Variants in TMCO4 observed in about 807,000 individuals in gnomAD.
The protein encoded by TMCO4 is transmembrane and coiled-coil domain-containing protein 4.
A neutral mutation model predicts 64.7 loss-of-function variants in TMCO4; 58 were observed. The ratio of observed to expected loss-of-function variants is 0.90; its 90% CI spans 0.73 to 1.12. The LOEUF is 1.12. TMCO4 is among the 50% of genes most tolerant of loss of function. The probability of loss-of-function intolerance (pLI) is 0.00; values close to 1 mark genes in which losing one functional copy is unlikely to be tolerated. For synonymous variants in TMCO4, 325 were observed against 346.1 expected, an observed-to-expected ratio of 0.94 and a Z score of 0.68; for missense variants, 780 against 825.9, an observed-to-expected ratio of 0.94 and a Z score of 0.68.
intron 1 of TMCO4, 23 bp downstream of exon 1, chr1:19,799,832 C>A (rs566604690): frequency 6.6e-6 from 1 of 151,964 alleles, no homozygotes; most frequent in South Asian, 2.1e-4. Flanking sequence ...CGTGGCCTGG[C>A]GGCTCCTCCG....
intron 15 of TMCO4, among the ~76,000 whole-genome samples, chr1:19,684,843 C>T (rs374176361): frequency 2.1e-4 from 32 of 152,268 alleles, no homozygotes; most frequent in Admixed American, 7.9e-4. Flanking sequence ...GTCCTCTTTC[C>T]TGCTGGCTGG....
rs757654237 is a variant in TMCO4, at chr1:19,780,664, C to T, written c.95G>A (p.Arg32Gln). The T allele has an allele frequency of 2.3e-5, 37 of 1,613,750 alleles. No individual in the cohort carries two copies. The East Asian group carries it at 5.3e-4, about 23-fold the overall frequency. Residue 32 changes from arginine (R) to glutamine (Q), a missense_variant, in exon 4 of 16, where the codon CGG (arginine) becomes CAG (glutamine). By Grantham distance (43) the Arg-to-Gln change is conservative (BLOSUM62 1). Coordinates refer to ENST00000294543, the MANE Select transcript of TMCO4 (RefSeq NM_181719.7). ...AEGEPHLPTG[R>Q]ELTEANRFAY... is the part of the protein sequence containing the mutation. ...GAAGCGGTTGGCCTCAGTCAGCTCC[C>T]GGCCCGTGGGCAGGTGTGGCTCCCC...
At chr1:19,751,596 ACT>A (rs931597132) in intron 7 of TMCO4, among the ~76,000 whole-genome samples, 3 of 151,790 alleles carry the variant, frequency 2.0e-5, no homozygotes, top group Non-Finnish European at 4.4e-5. Flanking sequence ...ACAGAGTAAG[ACT>A]CTGTCTCCCC....
At chr1:19,704,537 G>A (rs2095292396) in intron 13 of TMCO4, among the ~76,000 whole-genome samples, 1 of 152,206 alleles carries the variant, frequency 6.6e-6, no homozygotes, top group Admixed American at 6.5e-5. Flanking sequence ...GTGATCATAT[G>A]CGGGTTATCG....
chr1:19,745,847 C>T (rs1216839705), intron 9 of TMCO4, among the ~76,000 whole-genome samples, 196 bp from the exon 10 acceptor site: 1 of 152,208 alleles, frequency 6.6e-6, no homozygotes, highest in African/African-American at 2.4e-5. Flanking sequence ...CAAGAAGCTG[C>T]TTCTGAGGCT....
At chr1:19,704,648 G>C (rs1263923399) in intron 13 of TMCO4, among the ~76,000 whole-genome samples, 1 of 152,258 alleles carries the variant, frequency 6.6e-6, no homozygotes, top group Non-Finnish European at 1.5e-5. Flanking sequence ...CTGCCTGGCA[G>C]AGTCTGCCCT....
chr1:19,778,464 G>A (rs1261515945), intron 4 of TMCO4, among the ~76,000 whole-genome samples: 1 of 151,990 alleles, frequency 6.6e-6, no homozygotes, highest in Non-Finnish European at 1.5e-5. Context: ...AGTAGAGATG[G>A]GGTTTCACCA....
chr1:19,765,460 G>A (rs2042692438), intron 6 of TMCO4, among the ~76,000 whole-genome samples: 1 of 81,760 alleles, frequency 1.2e-5, no homozygotes, highest in African/African-American at 6.7e-5. Context: ...GAGGACATTG[G>A]AGCCATTTCT....
In TMCO4 at chr1:19,798,132, C is replaced by T. The variant is rs1330418643; in HGVS notation, c.-101+5G>A. 1 of 155,628 alleles carries T rather than the reference C, an allele frequency of 6.4e-6. No homozygotes were observed. The highest frequency in any genetic ancestry group is 1.4e-5 in the Non-Finnish European group (1 of 70,598). 9.6% of individuals were successfully genotyped at this position (155,628 alleles called of 1,614,324 possible). ...AATGGAAAGTGGATTGGATTTCACT[C>T]TCACCCCTTCTGCCTGCTGTCACAC... On this transcript the variant is annotated splice_donor_5th_base_variant and intron_variant, in intron 2 of 15. Transcript: ENST00000294543.
chr1:19,692,659 A>C (rs563296524), intron 15 of TMCO4, among the ~76,000 whole-genome samples: 41 of 151,882 alleles, frequency 2.7e-4, no homozygotes, highest in Admixed American at 9.2e-4. Context: ...AGGCAGGAGA[A>C]TCGCTTGAAC....
intron 9 of TMCO4, 110 bp from the exon 10 acceptor site, chr1:19,745,761 T>A: frequency 7.3e-7 from 1 of 1,377,234 alleles, no homozygotes; most frequent in Non-Finnish European, 9.7e-7. Context: ...CTGTGTGCCC[T>A]GCCCCTGGAA....
In TMCO4 at chr1:19,694,422, G is replaced by A. The variant is rs762574199; in HGVS notation, c.1500+12C>T. 11 of 1,611,304 alleles carry A rather than the reference G, an allele frequency of 6.8e-6. No individual in the cohort carries two copies. The highest frequency in any genetic ancestry group is 9.3e-6 in the Non-Finnish European group (11 of 1,177,898). On this transcript the variant is annotated intron_variant, in intron 15 of 15. Transcript: ENST00000294543. ...AAACGCAAAGCCCCAGGAGGAACAG[G>A]CCGACACTCACCACAGAGGTCAGGT...
chr1:19,797,966 AAGAAAAG>A (rs1227226519), intron 2 of TMCO4, 164 bp downstream of exon 2: 2 of 56,804 alleles, frequency 3.5e-5, no homozygotes, highest in Non-Finnish European at 6.9e-5. Flanking sequence ...GAGAAAAGAA[AAGAAAAG>A]AAAAGAAAAG....
intron 13 of TMCO4, among the ~76,000 whole-genome samples, chr1:19,707,581 C>T (rs1250954201): frequency 6.6e-6 from 1 of 152,210 alleles, no homozygotes; most frequent in Admixed American, 6.5e-5. Flanking sequence ...AGAGATCGCA[C>T]CACTGTACTC....
chr1:19,783,123 A>G (rs1281607988), intron 3 of TMCO4, among the ~76,000 whole-genome samples: 1 of 152,254 alleles, frequency 6.6e-6, no homozygotes, highest in Non-Finnish European at 1.5e-5. Flanking sequence ...GTTTAATAAT[A>G]ACAAGACCTA....
At chr1:19,709,660 G>C (rs904648645) in intron 13 of TMCO4, among the ~76,000 whole-genome samples, 17 of 151,798 alleles carry the variant, frequency 1.1e-4, no homozygotes, top group African/African-American at 4.1e-4. Flanking sequence ...AATAATGTTG[G>C]CCTAACTTCA....
chr1:19,730,193 ATG>A (rs1213551218), intron 13 of TMCO4, among the ~76,000 whole-genome samples: 1 of 152,202 alleles, frequency 6.6e-6, no homozygotes, highest in African/African-American at 2.4e-5. Context: ...TAAAAGTCAC[ATG>A]TGTTACTTAT....
Position 19,747,180 on chromosome 1 carries a change from C to T in TMCO4, c.596G>A (p.Gly199Glu), listed in dbSNP as rs2041831743. 6.2e-7 allele frequency: 1 copy of T among 1,614,072 alleles called. No individual in the cohort carries two copies. Among genetic ancestry groups the T allele is most frequent in the Non-Finnish European group, 8.5e-7 (1 of 1,179,984 alleles). Residue 199 changes from glycine to glutamate, a missense_variant, in exon 8 of 16, where the codon GGA becomes GAA. By Grantham distance (98) the Gly-to-Glu change is moderately conservative. Coordinates refer to ENST00000294543, the MANE Select transcript of TMCO4 (RefSeq NM_181719.7). ...RYLLIGLATV[G>E]GGTVIGVTGG... is the part of the protein sequence containing the mutation. ...GGACTCACCGATCACCGTTCCGCCT[C>T]CGACAGTCGCCAGGCCTATCAGGAG...
intron 4 of TMCO4, among the ~76,000 whole-genome samples, chr1:19,773,856 G>C (rs2043092882): frequency 1.3e-5 from 2 of 152,184 alleles, no homozygotes; most frequent in African/African-American, 2.4e-5. Context: ...AGGTGGCAGA[G>C]GGAGGCAGTG....
Sources: gnomAD v4.1 joint callset for allele counts (sites outside exome capture counted in the v4.1 genomes callset) on GRCh38, gnomAD v4.1.1 for gene constraint, MANE v1.5 for transcripts, NCBI Gene and HGNC (gene_info 2026-07-23, HGNC 2026-07-21) for gene names.